Variants in HPRT1 observed in about 807,000 individuals in gnomAD.
The protein encoded by HPRT1 is hypoxanthine phosphoribosyltransferase 1.
HPRT1 carries 4 observed loss-of-function variants against 19.0 expected under a neutral mutation model. The observed-to-expected ratio is 0.21, with a 90% CI of 0.10 to 0.48. The LOEUF (loss-of-function observed/expected upper bound fraction) is 0.48. HPRT1 is among the 20% of genes least tolerant of loss of function. The pLI is 0.98. For synonymous variants in HPRT1, 53 were observed against 54.9 expected, an observed-to-expected ratio of 0.97 and a Z score of 0.15; for missense variants, 65 against 164.0, an observed-to-expected ratio of 0.40 and a Z score of 3.30.
At chrX:134,486,703 C>T in intron 4 of HPRT1, 173 bp downstream of exon 4, 1 of 450,629 alleles carries the variant, frequency 2.2e-6, no homozygotes, top group Non-Finnish European at 4.1e-6. Context: ...AGTAAAAAGA[C>T]AGTAGAATCC....
At chrX:134,474,677 C>T (rs1371686873) in intron 2 of HPRT1, among the ~76,000 whole-genome samples, 2 of 111,292 alleles carry the variant, frequency 1.8e-5, no homozygotes, top group African/African-American at 6.5e-5. Flanking sequence ...CCAGTTTCTA[C>T]AGTCTCTCTT....
At chrX:134,492,676 C>G (rs1428119979) in intron 5 of HPRT1, among the ~76,000 whole-genome samples, 1 of 112,280 alleles carries the variant, frequency 8.9e-6, no homozygotes, top group Non-Finnish European at 1.9e-5. Flanking sequence ...GAATCTTGCT[C>G]TAGTCTACCA....
At chrX:134,492,411 G>GT (rs1474946953) in intron 5 of HPRT1, 1 of 273,960 alleles carries the variant, frequency 3.7e-6, no homozygotes, top group Non-Finnish European at 7.1e-6. Flanking sequence ...TCCCATGCAT[G>GT]TTTTTTATAC....
chrX:134,490,167 T>C (rs775492149), intron 4 of HPRT1, 21 bp from the exon 5 acceptor site: 3 of 1,001,815 alleles, frequency 3.0e-6, no homozygotes, highest in South Asian at 3.9e-5. Context: ...GTACTGATTT[T>C]CATTTCTCTT....
intron 3 of HPRT1, 87 bp downstream of exon 3, chrX:134,475,451 T>C: frequency 3.4e-6 from 2 of 581,202 alleles, no homozygotes; most frequent in Non-Finnish European, 2.8e-6. Context: ...CATACTTGCT[T>C]TCATTTCACT....
intron 4 of HPRT1, among the ~76,000 whole-genome samples, chrX:134,487,858 G>A (rs756365585): frequency 9.0e-6 from 1 of 111,395 alleles, no homozygotes; most frequent in Non-Finnish European, 1.9e-5. Context: ...TTTAGAAGCT[G>A]TTGAAGCCAT....
chrX:134,489,821 A>G (rs1459089539), intron 4 of HPRT1, among the ~76,000 whole-genome samples: 1 of 111,854 alleles, frequency 8.9e-6, no homozygotes, highest in East Asian at 2.8e-4. Flanking sequence ...TATAATTCTT[A>G]GAATGTTAGA....
intron 2 of HPRT1, among the ~76,000 whole-genome samples, chrX:134,473,798 A>G (rs1014187553): frequency 2.0e-4 from 22 of 112,119 alleles, no homozygotes; most frequent in Non-Finnish European, 3.9e-4. Context: ...TCAGATTTTT[A>G]TTATTATGCA....
intron 5 of HPRT1, 112 bp from the exon 6 acceptor site, chrX:134,493,396 T>G: frequency 7.1e-6 from 4 of 560,272 alleles, no homozygotes; most frequent in East Asian, 3.4e-5. Flanking sequence ...TAGATTTTGG[T>G]GAGAATTACT....
At chrX:134,470,928 A>T (rs1204482743) in intron 1 of HPRT1, among the ~76,000 whole-genome samples, 2 of 108,158 alleles carry the variant, frequency 1.8e-5, no homozygotes, top group African/African-American at 3.3e-5. Context: ...AGAGAAAAAA[A>T]TTTTTTTTAT....
At chrX:134,496,861 G>A (rs773302632) in intron 6 of HPRT1, among the ~76,000 whole-genome samples, 2 of 111,895 alleles carry the variant, frequency 1.8e-5, no homozygotes, top group African/African-American at 6.5e-5. Flanking sequence ...TGATTCTGAT[G>A]TGCAATCCAG....
chrX:134,465,601 C>A (rs920385296), intron 1 of HPRT1, among the ~76,000 whole-genome samples: 2 of 112,511 alleles, frequency 1.8e-5, no homozygotes, highest in Non-Finnish European at 3.7e-5. Context: ...TCTCAATACT[C>A]TTTCAGATTA....
At chrX:134,498,773 T>A (rs2077687946) in intron 8 of HPRT1, 89 bp downstream of exon 8, 1 of 617,245 alleles carries the variant, frequency 1.6e-6, no homozygotes, top group East Asian at 3.4e-5. Context: ...CAGCACCTCA[T>A]AATTTGAACA....
In HPRT1 at chrX:134,478,610, G is replaced by C. The variant is rs561997911; in HGVS notation, c.318+3246G>C. On this transcript the variant is annotated intron_variant, in intron 3 of 8. Transcript: ENST00000298556. The stretch of plus-strand genomic sequence containing the variant: ...ACTGCATTCCAGCCTGAGTGACAGA[G>C]GGAGACCCTGTCTTAAAAAAATAAG... Among the ~76,000 whole-genome samples the C allele has an allele frequency of 4.5e-5, 5 of 111,744 alleles. No homozygotes were observed. The South Asian group carries it at 1.9e-3, about 42-fold the overall frequency.
At chrX:134,472,821 C>G (rs1015539798) in intron 1 of HPRT1, among the ~76,000 whole-genome samples, 1 of 111,379 alleles carries the variant, frequency 9.0e-6, no homozygotes, top group Non-Finnish European at 1.9e-5. Flanking sequence ...GTGATCCACC[C>G]GCCTCGGCCT....
At chrX:134,475,790 C>CT (rs17879338) in intron 3 of HPRT1, among the ~76,000 whole-genome samples, 229 of 109,298 alleles carry the variant, frequency 2.1e-3, no homozygotes, top group African/African-American at 5.3e-3. Flanking sequence ...AGAAATCCCC[C>CT]TTTTTTTTTA....
chrX:134,489,716 C>T (rs1329612598), intron 4 of HPRT1, among the ~76,000 whole-genome samples: 1 of 111,692 alleles, frequency 9.0e-6, no homozygotes, highest in Non-Finnish European at 1.9e-5. Context: ...ATGGACACAT[C>T]CAGAAAATGC....
At chrX:134,472,199 C>G (rs979189952) in intron 1 of HPRT1, among the ~76,000 whole-genome samples, 5 of 110,429 alleles carry the variant, frequency 4.5e-5, no homozygotes, top group African/African-American at 1.6e-4. Context: ...GTCTTGAACT[C>G]CTGGCCTCAA....
chrX:134,473,217 A>G, intron 1 of HPRT1, 142 bp from the exon 2 acceptor site: 1 of 475,305 alleles, frequency 2.1e-6, no homozygotes, highest in African/African-American at 2.3e-5. Flanking sequence ...ATTCATTATC[A>G]TACCTACAAA....
Sources: allele counts gnomAD v4.1 joint callset (sites outside exome capture counted in the v4.1 genomes callset), GRCh38; gene constraint gnomAD v4.1.1; transcripts MANE v1.5; gene names NCBI Gene and HGNC (gene_info 2026-07-23, HGNC 2026-07-21).